Variants in EFHD2 observed in about 807,000 individuals in gnomAD.
EFHD2 encodes EF-hand domain family member D2.
EFHD2 carries 12 observed loss-of-function variants against 20.3 expected under a neutral mutation model. That is an observed-to-expected ratio of 0.59 (90% CI 0.38 to 0.96). The LOEUF (loss-of-function observed/expected upper bound fraction) is 0.96, where lower values mean the gene tolerates loss of function less well. Ranked by LOEUF, EFHD2 falls within the 40% of genes least tolerant of loss-of-function variation. The pLI, the probability that EFHD2 is intolerant of heterozygous loss-of-function variation, is 0.00. For missense variants in EFHD2, 250 were observed against 334.3 expected, an observed-to-expected ratio of 0.75 and a Z score of 1.97; for synonymous variants, 131 against 143.9, an observed-to-expected ratio of 0.91 and a Z score of 0.64.
chr1:15,427,978 C>T (rs1054363025), intron 3 of EFHD2: 15 of 470,828 alleles, frequency 3.2e-5, no homozygotes, highest in African/African-American at 1.8e-4. Flanking sequence ...TCCCTTCGAG[C>T]GCCCTTGCTT....
At chr1:15,421,056 G>T (rs1396967545) in intron 1 of EFHD2, among the ~76,000 whole-genome samples, 1 of 152,170 alleles carries the variant, frequency 6.6e-6, no homozygotes, top group Non-Finnish European at 1.5e-5. Context: ...TGTGCCAAGA[G>T]TCTGCTTGTA....
At chr1:15,420,812 C>T (rs543890971) in intron 1 of EFHD2, among the ~76,000 whole-genome samples, 83 of 152,230 alleles carry the variant, frequency 5.5e-4, no homozygotes, top group African/African-American at 1.8e-3. Context: ...GCCACCGCAC[C>T]TGGCCCTTTA....
intron 1 of EFHD2, among the ~76,000 whole-genome samples, chr1:15,420,225 AC>A (rs1417193344): frequency 1.2e-4 from 18 of 152,262 alleles, no homozygotes; most frequent in African/African-American, 3.9e-4. Context: ...CATATGTGAC[AC>A]ACACAAACTT....
rs117997364 is a variant in EFHD2 at position 15,411,375 on chromosome 1, C to T, written c.308+1096C>T. 7.1e-4 allele frequency among the ~76,000 whole-genome samples: 108 copies of T among 152,278 alleles called. 3 individuals are homozygous for T. The East Asian group carries it at 0.019, about 27-fold the overall frequency. The stretch of plus-strand genomic sequence containing the variant: ...ACCCCCAGGCGTGTGGGCTCATCCC[C>T]CTGTCCCCCCACAAAAACAATCTTA... On this transcript the variant is annotated intron_variant, in intron 1 of 3. Transcript: ENST00000375980.
chr1:15,412,378 C>T (rs1025172373), intron 1 of EFHD2, among the ~76,000 whole-genome samples: 1 of 152,170 alleles, frequency 6.6e-6, no homozygotes, highest in Non-Finnish European at 1.5e-5. Flanking sequence ...CAGAGCTCTT[C>T]GTCACCTTTG....
At position 15,422,717 on chromosome 1, in the gene EFHD2, C is replaced by T. The variant is rs930741720; in HGVS notation, c.309-3154C>T. Among the ~76,000 whole-genome samples the T allele has an allele frequency of 5.9e-5, 9 of 152,090 alleles. No homozygotes were observed. The South Asian group carries it at 1.0e-3, about 18-fold the overall frequency. On this transcript the variant is annotated intron_variant, in intron 1 of 3. Coordinates refer to ENST00000375980, the MANE Select transcript of EFHD2 (RefSeq NM_024329.6). ...TCTACTAAAAATACAAAAAATTAGC[C>T]GAGCGTGGTGGCGGGCACCTGTAGT...
intron 1 of EFHD2, among the ~76,000 whole-genome samples, chr1:15,421,590 G>T (rs1313508071): frequency 3.9e-5 from 6 of 152,196 alleles, no homozygotes; most frequent in African/African-American, 1.4e-4. Flanking sequence ...GCCCAGCCAG[G>T]CCTGGGAGCT....
At chr1:15,427,331 A>C (rs1707889698) in intron 3 of EFHD2, 47 bp downstream of exon 3, 1 of 1,573,090 alleles carries the variant, frequency 6.4e-7, no homozygotes, top group African/African-American at 1.3e-5. Context: ...GGACAAGGGG[A>C]CCCTGGGTTG....
intron 1 of EFHD2, among the ~76,000 whole-genome samples, chr1:15,425,120 G>A (rs1707851679): frequency 6.6e-6 from 1 of 152,168 alleles, no homozygotes; most frequent in African/African-American, 2.4e-5. Context: ...CATCTAGGGT[G>A]GGGGTGAGAT....
chr1:15,424,824 G>A (rs749189523), intron 1 of EFHD2, among the ~76,000 whole-genome samples: 46 of 152,320 alleles, frequency 3.0e-4, no homozygotes, highest in Non-Finnish European at 3.2e-4. Flanking sequence ...AGACCCCCCA[G>A]TACAGAGGGT....
intron 1 of EFHD2, among the ~76,000 whole-genome samples, chr1:15,416,126 C>A (rs1442051664): frequency 6.6e-6 from 1 of 152,184 alleles, no homozygotes; most frequent in Non-Finnish European, 1.5e-5. Context: ...AGTCACCTCT[C>A]CTTCCCCACA....
intron 1 of EFHD2, among the ~76,000 whole-genome samples, chr1:15,417,981 CTTTTTTTTTTT>C (rs57589251): frequency 1.0e-5 from 1 of 97,090 alleles, no homozygotes; most frequent in Non-Finnish European, 2.1e-5. Flanking sequence ...CTTTCTTTTT[CTTTTTTTTTTT>C]TTTTTTTTTT....
chr1:15,410,490 C>T (rs962079072), intron 1 of EFHD2, among the ~76,000 whole-genome samples: 4 of 152,148 alleles, frequency 2.6e-5, no homozygotes, highest in Non-Finnish European at 4.4e-5. Flanking sequence ...GACCCCCGGC[C>T]CCTGGCACGC....
At chr1:15,418,642 C>T (rs1014636483) in intron 1 of EFHD2, among the ~76,000 whole-genome samples, 3 of 152,154 alleles carry the variant, frequency 2.0e-5, no homozygotes, top group Non-Finnish European at 2.9e-5. Flanking sequence ...GATAGGCCCC[C>T]CCTTAAGTAA....
In EFHD2 at chr1:15,415,663, A is replaced by G. The variant is rs1707652929; in HGVS notation, c.308+5384A>G. ...ACCACCATGCCTGGCTAATTTTTGT[A>G]TTTTTGAGTAGAGACGGGATTTCAC... On this transcript the variant is annotated intron_variant, in intron 1 of 3. Coordinates refer to ENST00000375980, the MANE Select transcript of EFHD2 (RefSeq NM_024329.6). 2.0e-5 allele frequency among the ~76,000 whole-genome samples: 3 copies of G among 151,740 alleles called. No individual in the cohort carries two copies. In the South Asian group the frequency reaches 6.2e-4, roughly 32 times the overall value.
rs548773944 is a variant in EFHD2 at position 15,422,673 on chromosome 1, A to G, written c.309-3198A>G. Reference sequence around the variant, plus strand: ...TCAGGAGATCGAAACCATCCTGGCTAACACGGTGAAACCCCATCTCTACTA... The same window carrying G: ...TCAGGAGATCGAAACCATCCTGGCTGACACGGTGAAACCCCATCTCTACTA... On this transcript the variant is annotated intron_variant, in intron 1 of 3. Coordinates refer to ENST00000375980, the MANE Select transcript of EFHD2 (RefSeq NM_024329.6). Among the ~76,000 whole-genome samples the G allele has an allele frequency of 1.3e-3, 193 of 152,050 alleles. 1 individual carries two copies. The highest frequency in any genetic ancestry group is 4.6e-3 in the African/African-American group (189 of 41,516).
intron 1 of EFHD2, among the ~76,000 whole-genome samples, chr1:15,419,530 A>G (rs1408939251): frequency 2.0e-5 from 3 of 152,032 alleles, no homozygotes; most frequent in South Asian, 2.1e-4. Context: ...GGAAAAAGAG[A>G]GGGGCCAGGG....
intron 1 of EFHD2, among the ~76,000 whole-genome samples, 172 bp downstream of exon 1, chr1:15,410,451 G>T (rs1326304510): frequency 1.3e-5 from 2 of 151,814 alleles, no homozygotes; most frequent in Non-Finnish European, 2.9e-5. Context: ...ATCGAGACCC[G>T]GCATCTCACC....
At chr1:15,421,092 T>C (rs2103276388) in intron 1 of EFHD2, among the ~76,000 whole-genome samples, 1 of 152,282 alleles carries the variant, frequency 6.6e-6, no homozygotes. Context: ...CTTGCCTCCA[T>C]CCTGAGATGA....
Sources: allele counts gnomAD v4.1 joint callset (sites outside exome capture counted in the v4.1 genomes callset), GRCh38; gene constraint gnomAD v4.1.1; transcripts MANE v1.5; gene names NCBI Gene and HGNC (gene_info 2026-07-23, HGNC 2026-07-21).